Variants in SGMS1 observed in about 807,000 individuals in gnomAD.
SGMS1 encodes phosphatidylcholine:ceramide cholinephosphotransferase 1.
Under a neutral mutation model 46.2 loss-of-function variants are expected in SGMS1, and 13 were observed. The observed-to-expected ratio is 0.28, with a 90% CI of 0.18 to 0.45. The LOEUF (loss-of-function observed/expected upper bound fraction) is 0.45. Among genes scored for constraint, SGMS1 ranks in the 20% least tolerant of loss-of-function variants. The probability of loss-of-function intolerance (pLI) is 1.00; values close to 1 mark genes in which losing one functional copy is unlikely to be tolerated. For synonymous variants in SGMS1, 203 were observed against 187.8 expected, an observed-to-expected ratio of 1.08 and a Z score of -0.66; for missense variants, 324 against 519.9, an observed-to-expected ratio of 0.62 and a Z score of 3.66.
At chr10:50,426,518 C>CT (rs1217741574) in intron 6 of SGMS1, among the ~76,000 whole-genome samples, 1 of 152,234 alleles carries the variant, frequency 6.6e-6, no homozygotes, top group African/African-American at 2.4e-5. Flanking sequence ...TGGCAGCTCT[C>CT]TGAGTTCACC....
At chr10:50,624,723 T>C, upstream of SGMS1, 1 of 985,396 alleles carries the variant, frequency 1.0e-6, no homozygotes, top group Non-Finnish European at 1.2e-6. Flanking sequence ...AAGGTTTTCC[T>C]CTGCTCCCCG....
chr10:50,409,880 A>G (rs756236546), intron 6 of SGMS1, among the ~76,000 whole-genome samples: 2 of 152,220 alleles, frequency 1.3e-5, no homozygotes, highest in African/African-American at 4.8e-5. Flanking sequence ...AACTATATAC[A>G]GCCTATTATC....
intron 6 of SGMS1, among the ~76,000 whole-genome samples, chr10:50,361,249 G>A (rs896492426): frequency 6.6e-6 from 1 of 152,142 alleles, no homozygotes; most frequent in Non-Finnish European, 1.5e-5. Flanking sequence ...ACTGCAGGTT[G>A]GGGAGGTGGC....
chr10:50,611,578 A>G (rs1838749879), intron 1 of SGMS1, among the ~76,000 whole-genome samples: 1 of 152,198 alleles, frequency 6.6e-6, no homozygotes, highest in African/African-American at 2.4e-5. Context: ...AGCCAGCAGC[A>G]TCTTTCCTCA....
chr10:50,579,195 T>G (rs1399760672), intron 2 of SGMS1, among the ~76,000 whole-genome samples: 3 of 151,168 alleles, frequency 2.0e-5, no homozygotes, highest in Admixed American at 2.0e-4. Context: ...CATGAAAAAT[T>G]GAATAGAAGG....
At chr10:50,518,829 T>C (rs75359913) in intron 3 of SGMS1, among the ~76,000 whole-genome samples, 1 of 152,352 alleles carries the variant, frequency 6.6e-6, no homozygotes, top group East Asian at 1.9e-4. Flanking sequence ...CTGAAATTTT[T>C]GTCTAAATTA....
chr10:50,604,939 A>G (rs1838681817), intron 1 of SGMS1, among the ~76,000 whole-genome samples: 1 of 152,268 alleles, frequency 6.6e-6, no homozygotes, highest in Non-Finnish European at 1.5e-5. Context: ...TGCCTTTAGA[A>G]AATGTGAGCA....
intron 3 of SGMS1, among the ~76,000 whole-genome samples, chr10:50,477,108 T>C (rs1837434457): frequency 6.6e-6 from 1 of 152,188 alleles, no homozygotes; most frequent in East Asian, 1.9e-4. Flanking sequence ...CCTGGAAAAG[T>C]TGCAGGCACT....
Position 50,623,511 on chromosome 10 carries a change from A to C in SGMS1, c.-684+196T>G, listed in dbSNP as rs4268459. ...CCGGCCGCCGGACCTCCCCGCTGTG[A>C]CCACCCACGGGAGCAGCAGCTCTGG... On this transcript the variant is annotated intron_variant, in intron 1 of 10. Coordinates refer to ENST00000361781, the MANE Select transcript of SGMS1 (RefSeq NM_147156.4). 651,858 of 925,456 alleles carry C rather than the reference A, an allele frequency of 0.7. 231,541 individuals carry two copies. The highest frequency in any genetic ancestry group is 0.93 in the African/African-American group (52,484 of 56,184). 57.3% of individuals were successfully genotyped at this position (925,456 alleles called of 1,614,324 possible).
chr10:50,370,593 T>C (rs1848420043), intron 6 of SGMS1, among the ~76,000 whole-genome samples: 2 of 151,806 alleles, frequency 1.3e-5, no homozygotes, highest in Admixed American at 1.3e-4. Context: ...ATACAAAAAT[T>C]AGCTGGGTGT....
chr10:50,624,040 G>A, upstream of SGMS1: 1 of 984,950 alleles, frequency 1.0e-6, no homozygotes, highest in Non-Finnish European at 1.2e-6. Flanking sequence ...CACTGCGGCC[G>A]GGGGGGCGGG....
At chr10:50,331,860 G>T (rs1221969981) in intron 7 of SGMS1, among the ~76,000 whole-genome samples, 2 of 152,142 alleles carry the variant, frequency 1.3e-5, no homozygotes, top group Non-Finnish European at 2.9e-5. Flanking sequence ...GGGAGAAAGC[G>T]CTATTTATGA....
chr10:50,321,131 T>G (rs4935616), intron 8 of SGMS1, among the ~76,000 whole-genome samples: 3,536 of 152,336 alleles, frequency 0.023, 130 homozygotes, highest in African/African-American at 0.077. Flanking sequence ...GGAAAGTGGT[T>G]TCTTCCTTTT....
At chr10:50,494,230 AAGACCTGAACAC>A (rs1251684021) in intron 3 of SGMS1, among the ~76,000 whole-genome samples, 1 of 152,266 alleles carries the variant, frequency 6.6e-6, no homozygotes, top group Admixed American at 6.5e-5. Flanking sequence ...TGACTCCTCA[AAGACCTGAACAC>A]AGAAATACCA....
chr10:50,376,480 C>T (rs1015536457), intron 6 of SGMS1, among the ~76,000 whole-genome samples: 39 of 152,254 alleles, frequency 2.6e-4, no homozygotes, highest in Non-Finnish European at 3.5e-4. Context: ...ATGTGCACAA[C>T]GTGCAGATTT....
At chr10:50,431,185 G>T (rs1247127926) in intron 6 of SGMS1, among the ~76,000 whole-genome samples, 2 of 152,084 alleles carry the variant, frequency 1.3e-5, no homozygotes, top group African/African-American at 4.8e-5. Context: ...ATAATCCAAA[G>T]GCAAGTCTCT....
rs544724194 is a variant in SGMS1 at position 50,585,597 on chromosome 10, C to T, written c.-589+4556G>A. On this transcript the variant is annotated intron_variant, in intron 2 of 10. Coordinates refer to ENST00000361781, the MANE Select transcript of SGMS1 (RefSeq NM_147156.4). ...TGTGGTTGGTGCACACGGAAATGCG[C>T]TACCTGCATAACTAGAAGAGCTGAC... is the stretch of plus-strand genomic sequence containing the variant. 2.6e-5 allele frequency among the ~76,000 whole-genome samples: 4 copies of T among 152,300 alleles called. No homozygotes were observed. The East Asian group carries it at 7.7e-4, about 29-fold the overall frequency.
At chr10:50,382,965 G>A (rs922283865) in intron 6 of SGMS1, among the ~76,000 whole-genome samples, 16 of 152,120 alleles carry the variant, frequency 1.1e-4, no homozygotes, top group Non-Finnish European at 2.2e-4. Context: ...AAAGGTCAAA[G>A]TTTGTAAAGT....
chr10:50,605,675 G>T (rs891121035), intron 1 of SGMS1, among the ~76,000 whole-genome samples: 1 of 152,214 alleles, frequency 6.6e-6, no homozygotes, highest in Non-Finnish European at 1.5e-5. Flanking sequence ...TGTAAAGGCA[G>T]AATTTCCTTG....
Sources: gnomAD v4.1 joint callset for allele counts (sites outside exome capture counted in the v4.1 genomes callset) on GRCh38, gnomAD v4.1.1 for gene constraint, MANE v1.5 for transcripts, NCBI Gene and HGNC (gene_info 2026-07-23, HGNC 2026-07-21) for gene names.